The following RAB27B variants were observed in gnomAD, a reference collection of about 807,000 sequenced individuals.
The protein encoded by RAB27B is ras-related protein Rab-27B.
Under a neutral mutation model 24.6 loss-of-function variants are expected in RAB27B, and 15 were observed. The ratio of observed to expected loss-of-function variants is 0.61; its 90% confidence interval spans 0.41 to 0.94. The LOEUF is 0.94. RAB27B is among the 40% of genes least tolerant of loss of function. The pLI is 0.00. For synonymous variants in RAB27B, 105 were observed against 92.5 expected, an observed-to-expected ratio of 1.14 and a Z score of -0.78; for missense variants, 261 against 266.8, an observed-to-expected ratio of 0.98 and a Z score of 0.15.
chr18:54,773,707 A>G (rs1338331740), intron 2 of RAB27B, among the ~76,000 whole-genome samples: 1 of 149,746 alleles, frequency 6.7e-6, no homozygotes, highest in Non-Finnish European at 1.5e-5. Flanking sequence ...ACAGAGTCTC[A>G]CTCTGTCACC....
In RAB27B at chr18:54,752,016, G is replaced by A. The variant is rs556476604; in HGVS notation, c.-20+33875G>A. 6.0e-4 allele frequency among the ~76,000 whole-genome samples: 92 copies of A among 152,228 alleles called. 1 individual carries two copies. Among genetic ancestry groups the A allele is most frequent in the African/African-American group, 2.1e-3 (89 of 41,530 alleles). ...CATGCCCTTAGATCCAAATTGCGGC[G>A]TTATGGTAAGGAGCTAGTTCTTCCC... is the stretch of plus-strand genomic sequence containing the variant. On this transcript the variant is annotated intron_variant, in intron 2 of 4. Transcript: ENST00000586570.
intron 3 of RAB27B, among the ~76,000 whole-genome samples, chr18:54,881,911 G>A (rs1912941314): frequency 6.6e-6 from 1 of 152,144 alleles, no homozygotes; most frequent in African/African-American, 2.4e-5. Flanking sequence ...ATAACACACA[G>A]TTTTGTTCTC....
intron 1 of RAB27B, among the ~76,000 whole-genome samples, chr18:54,835,522 G>T (rs1301403766): frequency 6.6e-6 from 1 of 151,842 alleles, no homozygotes; most frequent in Admixed American, 6.6e-5. Flanking sequence ...GGAAGTAAAC[G>T]CTTCTATTAG....
intron 2 of RAB27B, among the ~76,000 whole-genome samples, chr18:54,816,382 AT>A: frequency 6.6e-6 from 1 of 152,202 alleles, no homozygotes; most frequent in Non-Finnish European, 1.5e-5. Flanking sequence ...AATTTCCAAT[AT>A]TTTCAAAAAC....
rs984251172 is a variant in RAB27B, at chr18:54,892,316, C to A, written c.*2903C>A. ...CTCTGTGACCAAATTTGTCTCCAAC[C>A]ACATAGCTCATTTCCTATAATGTTA... is the stretch of plus-strand genomic sequence containing the variant. On this transcript the variant is annotated 3_prime_UTR_variant, in exon 6 of 6. Transcript: ENST00000262094. 2 of 152,024 alleles carry A rather than the reference C, an allele frequency of 1.3e-5. No individual in the cohort carries two copies. Among genetic ancestry groups the A allele is most frequent in the Admixed American group, 6.6e-5 (1 of 15,212 alleles). The allele number at this position is 152,024 out of a possible 1,614,324, so 9.4% of individuals were successfully genotyped here.
At chr18:54,786,448 G>T (rs571679111) in intron 2 of RAB27B, among the ~76,000 whole-genome samples, 3 of 152,230 alleles carry the variant, frequency 2.0e-5, no homozygotes, top group South Asian at 4.1e-4. Flanking sequence ...TGCCACTTTG[G>T]TTAATACAAA....
chr18:54,816,835 T>C (rs1288892129), intron 2 of RAB27B, among the ~76,000 whole-genome samples: 1 of 152,226 alleles, frequency 6.6e-6, no homozygotes, highest in Non-Finnish European at 1.5e-5. Flanking sequence ...GTTGCTAATA[T>C]GTTTATCACT....
chr18:54,887,445 C>G (rs1913191039), intron 4 of RAB27B, among the ~76,000 whole-genome samples: 1 of 151,886 alleles, frequency 6.6e-6, no homozygotes, highest in Admixed American at 6.6e-5. Flanking sequence ...TAGAAGAAAT[C>G]CCCTTATTTA....
At chr18:54,870,597 C>T (rs924721901) in intron 1 of RAB27B, among the ~76,000 whole-genome samples, 3 of 152,082 alleles carry the variant, frequency 2.0e-5, no homozygotes, top group South Asian at 4.1e-4. Context: ...GATTGTACAT[C>T]TAGAAAATTC....
chr18:54,758,623 AC>A (rs1166115882), intron 2 of RAB27B, among the ~76,000 whole-genome samples: 8 of 117,406 alleles, frequency 6.8e-5, no homozygotes, highest in Admixed American at 1.0e-4. Flanking sequence ...CTTGCAAGCG[AC>A]CAAAAACAAT....
At chr18:54,830,610 A>G (rs1229965109) in intron 1 of RAB27B, among the ~76,000 whole-genome samples, 2 of 150,836 alleles carry the variant, frequency 1.3e-5, no homozygotes, top group Non-Finnish European at 3.0e-5. Flanking sequence ...AATGGGAATG[A>G]TTTTTTTTTT....
intron 2 of RAB27B, among the ~76,000 whole-genome samples, chr18:54,821,958 G>A (rs1377350852): frequency 2.6e-5 from 4 of 151,988 alleles, no homozygotes; most frequent in African/African-American, 7.2e-5. Flanking sequence ...TCACCATGTC[G>A]GCCAGGCTGG....
intron 1 of RAB27B, among the ~76,000 whole-genome samples, chr18:54,844,387 TTTCTTTC>T (rs1677286967): frequency 6.9e-6 from 1 of 144,644 alleles, no homozygotes; most frequent in Non-Finnish European, 1.5e-5. Flanking sequence ...TCTTTCTTTC[TTTCTTTC>T]TTTCTTTTCT....
At chr18:54,888,308 G>C (rs1693505593) in intron 5 of RAB27B, 190 bp downstream of exon 5, 1 of 559,226 alleles carries the variant, frequency 1.8e-6, no homozygotes, top group Non-Finnish European at 2.9e-6. Context: ...AACATTTACT[G>C]TATACCTATA....
intron 2 of RAB27B, among the ~76,000 whole-genome samples, chr18:54,754,901 T>A (rs376470749): frequency 7.0e-4 from 107 of 152,302 alleles, no homozygotes; most frequent in Admixed American, 1.3e-3. Context: ...CCTTGCTAGT[T>A]TTGAGGTGGA....
intron 2 of RAB27B, among the ~76,000 whole-genome samples, chr18:54,775,858 ACAGT>A (rs1343044060): frequency 6.6e-6 from 1 of 152,182 alleles, no homozygotes; most frequent in Non-Finnish European, 1.5e-5. Context: ...CAGCCTCGGC[ACAGT>A]CATTCAACAT....
chr18:54,815,133 C>T (rs1450419930), intron 2 of RAB27B, among the ~76,000 whole-genome samples: 1 of 152,116 alleles, frequency 6.6e-6, no homozygotes, highest in African/African-American at 2.4e-5. Context: ...GATCATGTCA[C>T]CTCCCAACAA....
At chr18:54,833,189 A>T (rs1054360599) in intron 1 of RAB27B, among the ~76,000 whole-genome samples, 2 of 151,814 alleles carry the variant, frequency 1.3e-5, no homozygotes, top group African/African-American at 4.8e-5. Context: ...CAGTGAATAA[A>T]GAAGGGTCAT....
Position 54,834,366 on chromosome 18 carries a change from T to C in RAB27B, c.-20+5666T>C, listed in dbSNP as rs531443630. On this transcript the variant is annotated intron_variant, in intron 1 of 5. Coordinates refer to ENST00000262094, the MANE Select transcript of RAB27B (RefSeq NM_004163.4). ...AGTAGGAAGTCTATTATTAGTCAAA[T>C]ATTGCTAGTGTTGAGTGGTGTATAA... 2.6e-5 allele frequency among the ~76,000 whole-genome samples: 4 copies of C among 152,272 alleles called. No homozygotes were observed. The East Asian group carries it at 7.7e-4, about 29-fold the overall frequency.
Sources: gnomAD v4.1 joint callset for allele counts (sites outside exome capture counted in the v4.1 genomes callset) on GRCh38, gnomAD v4.1.1 for gene constraint, MANE v1.5 for transcripts, NCBI Gene and HGNC (gene_info 2026-07-23, HGNC 2026-07-21) for gene names.